SLC4A4: variants seen among roughly 807,000 people sequenced by gnomAD.
SLC4A4 encodes the protein electrogenic sodium bicarbonate cotransporter 1.
Under a neutral mutation model 111.5 loss-of-function variants are expected in SLC4A4, and 27 were observed. That is an observed-to-expected ratio of 0.24 (90% CI 0.18 to 0.33). SLC4A4 has a LOEUF of 0.33. SLC4A4 is among the 10% of genes least tolerant of loss of function. SLC4A4 has a pLI of 1.00. For synonymous variants in SLC4A4, 443 were observed against 463.4 expected, an observed-to-expected ratio of 0.96 and a Z score of 0.57; for missense variants, 909 against 1,315.5, an observed-to-expected ratio of 0.69 and a Z score of 4.78.
At chr4:71,564,797 A>G (rs761771585) in intron 24 of SLC4A4, among the ~76,000 whole-genome samples, 27 of 151,964 alleles carry the variant, frequency 1.8e-4, no homozygotes, top group Non-Finnish European at 3.5e-4. Context: ...ATGAATATCT[A>G]TTGATAAAAA....
At chr4:71,290,954 A>G (rs772885176) in intron 3 of SLC4A4, among the ~76,000 whole-genome samples, 2 of 152,246 alleles carry the variant, frequency 1.3e-5, no homozygotes, top group Non-Finnish European at 2.9e-5. Context: ...AATAATAAAA[A>G]TCAGATTCAA....
At chr4:71,493,055 T>C (rs1265314100) in intron 15 of SLC4A4, among the ~76,000 whole-genome samples, 1 of 151,986 alleles carries the variant, frequency 6.6e-6, no homozygotes, top group African/African-American at 2.4e-5. Flanking sequence ...CACTTAGGTC[T>C]CAGTGCATTT....
intron 3 of SLC4A4, among the ~76,000 whole-genome samples, chr4:71,282,247 A>G (rs985218109): frequency 3.9e-5 from 6 of 152,012 alleles, no homozygotes; most frequent in Non-Finnish European, 7.4e-5. Context: ...GTTTATGGCA[A>G]GTGGACAGGC....
rs75066064 is a variant in SLC4A4 at position 71,147,414 on chromosome 4, G to T, written c.-2+54622G>T. Among the ~76,000 whole-genome samples, 268 of 152,186 alleles carry T rather than the reference G, an allele frequency of 1.8e-3. 8 individuals are homozygous for T. In the East Asian group the frequency reaches 0.049, roughly 28 times the overall value. On this transcript the variant is annotated intron_variant, in intron 2 of 26. Coordinates refer to the SLC4A4 transcript ENST00000649996. ...GAGGTGGTGGTTCATGATGGTCAGTGAGTAATAGGCAGTCAGAGAGATGAA... is the reference window on the plus strand; with the variant it reads ...GAGGTGGTGGTTCATGATGGTCAGTTAGTAATAGGCAGTCAGAGAGATGAA...
chr4:71,250,107 A>C (rs1720957409), intron 2 of SLC4A4, among the ~76,000 whole-genome samples: 1 of 151,310 alleles, frequency 6.6e-6, no homozygotes, highest in Admixed American at 6.6e-5. Context: ...TCACTCATCC[A>C]GGGTCTCCGC....
intron 3 of SLC4A4, among the ~76,000 whole-genome samples, chr4:71,312,252 CA>C (rs1304864792): frequency 4.6e-5 from 7 of 152,208 alleles, no homozygotes; most frequent in African/African-American, 1.7e-4. Context: ...AGACCAATAA[CA>C]AGTTCTGAAA....
At chr4:71,278,693 T>A (rs780888107) in intron 3 of SLC4A4, among the ~76,000 whole-genome samples, 44 of 152,240 alleles carry the variant, frequency 2.9e-4, no homozygotes, top group Non-Finnish European at 5.1e-4. Context: ...TGATGATTAG[T>A]GATGCTGAAG....
rs1560418946 is a variant in SLC4A4, at chr4:71,334,891, T to G, written c.254-4479T>G. The stretch of plus-strand genomic sequence containing the variant: ...CAGGGATATGTAGTATCTATGCTGT[T>G]TTTTAGGCAGGAGACCAATTTATTT... On this transcript the variant is annotated intron_variant, in intron 3 of 25. Transcript: ENST00000264485. 3.3e-5 allele frequency among the ~76,000 whole-genome samples: 5 copies of G among 152,194 alleles called. No individual in the cohort carries two copies. In the South Asian group the frequency reaches 1.0e-3, roughly 32 times the overall value.
intron 6 of SLC4A4, among the ~76,000 whole-genome samples, chr4:71,391,666 A>G (rs1047681215): frequency 1.3e-5 from 2 of 152,054 alleles, no homozygotes; most frequent in Non-Finnish European, 2.9e-5. Flanking sequence ...GCCAGAAAAT[A>G]GTGATATGGA....
intron 13 of SLC4A4, among the ~76,000 whole-genome samples, chr4:71,467,199 G>T (rs1030622704): frequency 2.0e-5 from 3 of 151,924 alleles, no homozygotes; most frequent in African/African-American, 7.3e-5. Context: ...CTTGCCATTT[G>T]TTATTACTTC....
intron 15 of SLC4A4, among the ~76,000 whole-genome samples, chr4:71,493,582 A>G (rs1224782057): frequency 6.6e-6 from 1 of 151,378 alleles, no homozygotes; most frequent in East Asian, 1.9e-4. Flanking sequence ...TACATTTATC[A>G]TTTTTAGCTT....
intron 1 of SLC4A4, among the ~76,000 whole-genome samples, chr4:71,211,922 AT>A (rs140740407): frequency 1.7e-4 from 26 of 151,930 alleles, no homozygotes; most frequent in South Asian, 4.2e-4. Context: ...AAAACCAGGG[AT>A]TTTTTTTAGA....
At chr4:71,515,883 G>A (rs1413683714) in intron 16 of SLC4A4, among the ~76,000 whole-genome samples, 6 of 151,798 alleles carry the variant, frequency 4.0e-5, no homozygotes, top group Non-Finnish European at 1.5e-5. Flanking sequence ...CTTATAAGTA[G>A]CATATAGTTA....
intron 2 of SLC4A4, among the ~76,000 whole-genome samples, chr4:71,100,326 A>G (rs1742688044): frequency 6.6e-6 from 1 of 151,550 alleles, no homozygotes; most frequent in Non-Finnish European, 1.5e-5. Context: ...GTGATTCATC[A>G]CATAAACAGA....
Position 71,136,461 on chromosome 4 carries a change from C to T in SLC4A4, c.-2+43669C>T, listed in dbSNP as rs189577963. 1.3e-4 allele frequency among the ~76,000 whole-genome samples: 20 copies of T among 152,238 alleles called. No individual in the cohort carries two copies. The East Asian group carries it at 2.3e-3, about 18-fold the overall frequency. On this transcript the variant is annotated intron_variant, in intron 2 of 26. Transcript: ENST00000649996. ...GACCACTGAAGAGTCAGTGTTAGTG[C>T]GGGGTTGCCTGTTAACCCCATGTGG...
chr4:71,467,717 C>T (rs570159084), intron 13 of SLC4A4, among the ~76,000 whole-genome samples: 2 of 151,764 alleles, frequency 1.3e-5, no homozygotes, highest in Non-Finnish European at 2.9e-5. Flanking sequence ...CGTGAGTTTC[C>T]CCAAGTGGCC....
intron 14 of SLC4A4, among the ~76,000 whole-genome samples, chr4:71,476,591 T>A (rs1029495797): frequency 7.9e-5 from 12 of 151,748 alleles, no homozygotes; most frequent in African/African-American, 2.9e-4. Context: ...GTGGCTTTTT[T>A]ATATGTGTGT....
rs1390883821 is a variant in SLC4A4, at chr4:71,472,072, T to G, written c.1632-627T>G. On this transcript the variant is annotated intron_variant, in intron 13 of 25. Coordinates refer to ENST00000264485, the MANE Select transcript of SLC4A4 (RefSeq NM_001098484.3). ...TTACAGGCCATCTTGTGCCACGTTATCTTTTTAACTATTTTTTCCTCTTCC... is the reference window on the plus strand; with the variant it reads ...TTACAGGCCATCTTGTGCCACGTTAGCTTTTTAACTATTTTTTCCTCTTCC... 5.9e-5 allele frequency among the ~76,000 whole-genome samples: 9 copies of G among 152,032 alleles called. No individual in the cohort carries two copies. The East Asian group carries it at 1.6e-3, about 26-fold the overall frequency.
chr4:71,427,453 A>G (rs1723249548), intron 7 of SLC4A4, among the ~76,000 whole-genome samples: 1 of 152,182 alleles, frequency 6.6e-6, no homozygotes, highest in East Asian at 1.9e-4. Flanking sequence ...TTAAATTCCC[A>G]TCTTGAAATC....
Sources: allele counts gnomAD v4.1 joint callset (sites outside exome capture counted in the v4.1 genomes callset), GRCh38; gene constraint gnomAD v4.1.1; transcripts MANE v1.5; gene names NCBI Gene and HGNC (gene_info 2026-07-23, HGNC 2026-07-21).